Variants in SCHIP1 observed in about 807,000 individuals in gnomAD.
SCHIP1 encodes the protein schwannomin interacting protein 1, also known as schwannomin-interacting protein 1.
SCHIP1 carries 8 observed loss-of-function variants against 29.7 expected under a neutral mutation model. The ratio of observed to expected loss-of-function variants is 0.27; its 90% CI spans 0.16 to 0.49. SCHIP1 has a LOEUF of 0.49. Among genes scored for constraint, SCHIP1 ranks in the 20% least tolerant of loss-of-function variants. The pLI is 0.99. For synonymous variants in SCHIP1, 76 were observed against 94.9 expected (o/e 0.80, Z 1.16); for missense variants, 193 against 294.6 (o/e 0.66, Z 2.52).
chr3:159,756,406 C>T, the SCHIP1 span, among the ~76,000 whole-genome samples: 15 of 152,268 alleles, frequency 9.9e-5, no homozygotes, highest in South Asian at 4.1e-4. Flanking sequence ...ATGGCTGGAG[C>T]GGCTGGGACA....
At chr3:159,542,059 T>C in the SCHIP1 span, among the ~76,000 whole-genome samples, 1 of 152,074 alleles carries the variant, frequency 6.6e-6, no homozygotes, top group African/African-American at 2.4e-5. Flanking sequence ...TTAATTCTAC[T>C]TTCTTTGTAT....
chr3:159,546,012 G>T, the SCHIP1 span, among the ~76,000 whole-genome samples: 1 of 151,802 alleles, frequency 6.6e-6, no homozygotes, highest in Non-Finnish European at 1.5e-5. Context: ...GGTATTTATT[G>T]TTTGTATGCT....
the SCHIP1 span, among the ~76,000 whole-genome samples, chr3:159,771,194 C>T: frequency 5.1e-4 from 77 of 152,350 alleles, no homozygotes; most frequent in African/African-American, 1.8e-3. Flanking sequence ...GTAAGAATTA[C>T]AGCCCAGTTA....
the SCHIP1 span, among the ~76,000 whole-genome samples, chr3:159,730,712 G>A: frequency 6.6e-6 from 1 of 152,126 alleles, no homozygotes; most frequent in Non-Finnish European, 1.5e-5. Flanking sequence ...TGATATAAAA[G>A]AGAGAGTAAA....
At chr3:159,857,141 G>T (rs1177498055) in intron 1 of SCHIP1, among the ~76,000 whole-genome samples, 1 of 152,178 alleles carries the variant, frequency 6.6e-6, no homozygotes, top group Non-Finnish European at 1.5e-5. Flanking sequence ...TAAATATAAA[G>T]CTTCCTGGCT....
At chr3:159,790,313 A>C in the SCHIP1 span, among the ~76,000 whole-genome samples, 1 of 152,276 alleles carries the variant, frequency 6.6e-6, no homozygotes, top group South Asian at 2.1e-4. Flanking sequence ...CTTGAGCAGC[A>C]TTAGAATGTG....
At chr3:159,466,994 TAAGAA>T in the SCHIP1 span, among the ~76,000 whole-genome samples, 1 of 151,696 alleles carries the variant, frequency 6.6e-6, no homozygotes, top group African/African-American at 2.4e-5. Flanking sequence ...AAAAATAAAA[TAAGAA>T]AAATGAACAT....
At chr3:159,390,306 T>G in the SCHIP1 span, among the ~76,000 whole-genome samples, 1 of 152,080 alleles carries the variant, frequency 6.6e-6, no homozygotes, top group Non-Finnish European at 1.5e-5. Context: ...CTGTAACCAT[T>G]TTTTCTTATT....
chr3:159,694,548 G>GAA, the SCHIP1 span, among the ~76,000 whole-genome samples: 7 of 38,492 alleles, frequency 1.8e-4, no homozygotes, highest in African/African-American at 6.0e-4. Context: ...AAGAAAGAAA[G>GAA]AAAGAAAGAA....
At chr3:159,614,179 C>A in the SCHIP1 span, among the ~76,000 whole-genome samples, 1 of 138,300 alleles carries the variant, frequency 7.2e-6, no homozygotes, top group Non-Finnish European at 1.5e-5. Context: ...TCAGCCTCCC[C>A]AGAATAGTGT....
rs377437150 is a variant in SCHIP1, at chr3:159,876,310, C to T, written c.150-9897C>T. On this transcript the variant is annotated intron_variant, in intron 2 of 6. Transcript: ENST00000445224. The stretch of plus-strand genomic sequence containing the variant: ...TCTGTTCACTAGGCAGGCAGTGTAG[C>T]GTGGTGGGTAGGAGCGGGGTATTGG... Among the ~76,000 whole-genome samples, 10 of 152,154 alleles carry T rather than the reference C, an allele frequency of 6.6e-5. No individual in the cohort carries two copies. The East Asian group carries it at 9.6e-4, about 15-fold the overall frequency.
chr3:159,421,770 A>G, the SCHIP1 span, among the ~76,000 whole-genome samples: 5 of 152,318 alleles, frequency 3.3e-5, no homozygotes, highest in South Asian at 8.3e-4. Context: ...CAAATTGGAT[A>G]CATCAGTTCA....
At chr3:159,281,500 G>GA in the SCHIP1 span, among the ~76,000 whole-genome samples, 1 of 152,138 alleles carries the variant, frequency 6.6e-6, no homozygotes. Context: ...GTATAGTTTT[G>GA]AATGAATGTG....
the SCHIP1 span, among the ~76,000 whole-genome samples, chr3:159,570,322 T>C: frequency 1.3e-5 from 2 of 152,194 alleles, no homozygotes; most frequent in African/African-American, 2.4e-5. Flanking sequence ...ATTTTTTGTA[T>C]AAGATGTAAG....
At chr3:159,291,567 T>A in the SCHIP1 span, among the ~76,000 whole-genome samples, 40 of 152,086 alleles carry the variant, frequency 2.6e-4, no homozygotes, top group Non-Finnish European at 5.9e-5. Flanking sequence ...AGATGAAAGG[T>A]TGATGGGAAA....
chr3:159,468,732 A>AATATAAT, the SCHIP1 span, among the ~76,000 whole-genome samples: 3 of 143,184 alleles, frequency 2.1e-5, no homozygotes, highest in Non-Finnish European at 4.5e-5. Context: ...ATATATATAT[A>AATATAAT]ATATAATATA....
At chr3:159,888,243 T>A in intron 4 of SCHIP1, 1 of 322,526 alleles carries the variant, frequency 3.1e-6, no homozygotes, top group South Asian at 3.7e-5. Context: ...TTGCTATAAT[T>A]GTCATTCTCA....
chr3:159,604,643 C>T, the SCHIP1 span, among the ~76,000 whole-genome samples: 1 of 151,640 alleles, frequency 6.6e-6, no homozygotes, highest in African/African-American at 2.4e-5. Context: ...CCACTATGAA[C>T]TAAAAACAGG....
the SCHIP1 span, among the ~76,000 whole-genome samples, chr3:159,823,438 C>G: frequency 6.6e-6 from 1 of 152,152 alleles, no homozygotes; most frequent in Non-Finnish European, 1.5e-5. Context: ...TCATCAACGA[C>G]CTCAGTTAGA....
Sources: gnomAD v4.1 joint callset for allele counts (sites outside exome capture counted in the v4.1 genomes callset) on GRCh38, gnomAD v4.1.1 for gene constraint, MANE v1.5 for transcripts, NCBI Gene and HGNC (gene_info 2026-07-23, HGNC 2026-07-21) for gene names.